The following AFF3 variants were observed in gnomAD, a reference collection of about 807,000 sequenced individuals.
The protein encoded by AFF3 is ALF transcription elongation factor 3.
Under a neutral mutation model 129.7 loss-of-function variants are expected in AFF3, and 32 were observed. That is an observed-to-expected ratio of 0.25 (90% CI 0.19 to 0.33). The LOEUF (loss-of-function observed/expected upper bound fraction) is 0.33, where lower values mean the gene tolerates loss of function less well. AFF3 is among the 10% of genes least tolerant of loss of function. AFF3 has a pLI of 1.00. For missense variants in AFF3, 1,373 were observed against 1,592.0 expected (o/e 0.86, Z 2.34); for synonymous variants, 644 against 635.4 (o/e 1.01, Z -0.20).
chr2:99,751,569 G>A (rs1475681806), intron 9 of AFF3, among the ~76,000 whole-genome samples: 1 of 152,212 alleles, frequency 6.6e-6, no homozygotes, highest in African/African-American at 2.4e-5. Context: ...TCTGGGTAGG[G>A]AAATAATCTC....
chr2:99,637,724 G>A (rs1322417195), intron 13 of AFF3, among the ~76,000 whole-genome samples: 1 of 152,184 alleles, frequency 6.6e-6, no homozygotes, highest in Non-Finnish European at 1.5e-5. Flanking sequence ...AAGAAGTAGG[G>A]TAGACAGCAG....
intron 8 of AFF3, among the ~76,000 whole-genome samples, chr2:99,802,254 G>C (rs569579283): frequency 1.3e-5 from 2 of 152,236 alleles, no homozygotes; most frequent in South Asian, 2.1e-4. Flanking sequence ...TTTATCTTAA[G>C]AGAATATTAG....
chr2:99,926,338 T>C (rs913423595), intron 7 of AFF3, among the ~76,000 whole-genome samples: 5 of 152,166 alleles, frequency 3.3e-5, no homozygotes, highest in African/African-American at 1.2e-4. Context: ...CCGAGTACAC[T>C]GGAGTGGAAG....
At chr2:99,700,476 C>T (rs1341349697) in intron 11 of AFF3, among the ~76,000 whole-genome samples, 1 of 152,206 alleles carries the variant, frequency 6.6e-6, no homozygotes, top group Non-Finnish European at 1.5e-5. Flanking sequence ...TTCACATTAC[C>T]TTGTTTATTT....
At chr2:100,142,430 C>G (rs777100245) in intron 1 of AFF3, 54 bp downstream of exon 1, 20 of 152,404 alleles carry the variant, frequency 1.3e-4, no homozygotes, top group Non-Finnish European at 2.2e-4. Flanking sequence ...GGGGCTACCT[C>G]TCTTCCAGGC....
intron 1 of AFF3, among the ~76,000 whole-genome samples, chr2:100,136,505 ATT>A (rs1692646818): frequency 6.6e-6 from 1 of 152,204 alleles, no homozygotes; most frequent in African/African-American, 2.4e-5. Context: ...GACTGTCCTC[ATT>A]CTTGAAATTA....
intron 4 of AFF3, among the ~76,000 whole-genome samples, chr2:100,051,015 T>C (rs944573019): frequency 4.6e-5 from 7 of 152,222 alleles, no homozygotes; most frequent in Admixed American, 1.3e-4. Context: ...CCGCTAATCC[T>C]TGTGACTGAC....
At chr2:99,980,974 A>G (rs970386311) in intron 7 of AFF3, among the ~76,000 whole-genome samples, 4 of 152,034 alleles carry the variant, frequency 2.6e-5, no homozygotes, top group African/African-American at 9.7e-5. Flanking sequence ...ACATATGAAA[A>G]TTTTCTTATG....
chr2:99,809,295 C>A (rs575889412), intron 8 of AFF3, among the ~76,000 whole-genome samples: 1 of 152,178 alleles, frequency 6.6e-6, no homozygotes, highest in Admixed American at 6.5e-5. Flanking sequence ...GAACAAGGAG[C>A]GGCTACAGAG....
chr2:99,753,076 G>A (rs1440751310), intron 8 of AFF3, among the ~76,000 whole-genome samples: 1 of 151,998 alleles, frequency 6.6e-6, no homozygotes, highest in African/African-American at 2.4e-5. Flanking sequence ...TGGAGTTTAC[G>A]AATTAGATGT....
chr2:100,015,499 C>T (rs1682940730), intron 4 of AFF3, among the ~76,000 whole-genome samples: 1 of 152,226 alleles, frequency 6.6e-6, no homozygotes, highest in African/African-American at 2.4e-5. Flanking sequence ...AGCGTAAGCA[C>T]TGTGTATAAT....
chr2:100,053,000 CAAGAGGGGAAGTG>C (rs980360049), intron 4 of AFF3, among the ~76,000 whole-genome samples: 4 of 152,040 alleles, frequency 2.6e-5, no homozygotes, highest in African/African-American at 4.8e-5. Flanking sequence ...GGAAATGTGA[CAAGAGGGGAAGTG>C]GAGAGGGGGA....
intron 13 of AFF3, among the ~76,000 whole-genome samples, chr2:99,626,578 C>T (rs1278776678): frequency 7.1e-6 from 1 of 141,494 alleles, no homozygotes; most frequent in Non-Finnish European, 1.5e-5. Flanking sequence ...CCTCTCCTTT[C>T]CTTTCTTTCA....
intron 12 of AFF3, among the ~76,000 whole-genome samples, chr2:99,658,421 A>G (rs1685943693): frequency 6.6e-6 from 1 of 151,968 alleles, no homozygotes. Flanking sequence ...GGGGTGGGTG[A>G]TATCTAGCCC....
chr2:99,775,648 C>G (rs1683837987), intron 8 of AFF3, among the ~76,000 whole-genome samples: 1 of 151,862 alleles, frequency 6.6e-6, no homozygotes, highest in Non-Finnish European at 1.5e-5. Context: ...ATGTAGCAAA[C>G]TCGCACATCC....
chr2:99,744,207 A>C, intron 9 of AFF3, 67 bp from the exon 10 acceptor site: 7 of 1,412,924 alleles, frequency 5.0e-6, no homozygotes, highest in Non-Finnish European at 5.9e-6. Context: ...TAAACATGAG[A>C]TCATGTTTAA....
intron 4 of AFF3, among the ~76,000 whole-genome samples, chr2:100,014,866 C>T (rs1682867763): frequency 6.7e-6 from 1 of 149,370 alleles, no homozygotes; most frequent in African/African-American, 2.5e-5. Flanking sequence ...TCACTGCAAC[C>T]TCCGCCTCCC....
intron 1 of AFF3, among the ~76,000 whole-genome samples, chr2:100,130,811 A>G (rs1209988363): frequency 4.6e-5 from 7 of 152,138 alleles, no homozygotes; most frequent in African/African-American, 1.4e-4. Flanking sequence ...AGACAGAGAC[A>G]CTAGCAGTAC....
At chr2:99,971,707 G>T (rs1678398463) in intron 7 of AFF3, among the ~76,000 whole-genome samples, 5 of 152,118 alleles carry the variant, frequency 3.3e-5, no homozygotes, top group Non-Finnish European at 7.4e-5. Context: ...AATTTGAAGG[G>T]CATTTTGGTT....
Sources: allele counts gnomAD v4.1 joint callset (sites outside exome capture counted in the v4.1 genomes callset), GRCh38; gene constraint gnomAD v4.1.1; transcripts MANE v1.5; gene names NCBI Gene and HGNC (gene_info 2026-07-23, HGNC 2026-07-21).